The following PCDH7 variants were observed in gnomAD, a reference collection of about 807,000 sequenced individuals.
PCDH7 encodes protocadherin-7.
Under a neutral mutation model 58.9 loss-of-function variants are expected in PCDH7, and 17 were observed. That is an observed-to-expected ratio of 0.29 (90% CI 0.20 to 0.43). PCDH7 has a LOEUF of 0.43. Ranked by LOEUF, PCDH7 falls within the 20% of genes least tolerant of loss-of-function variation. The probability of loss-of-function intolerance (pLI) is 1.00; values close to 1 mark genes in which losing one functional copy is unlikely to be tolerated. For synonymous variants in PCDH7, 664 were observed against 616.4 expected, an observed-to-expected ratio of 1.08 and a Z score of -1.14; for missense variants, 1,274 against 1,441.0, an observed-to-expected ratio of 0.88 and a Z score of 1.88.
chr4:30,965,716 A>T (rs1748936384), intron 3 of PCDH7, among the ~76,000 whole-genome samples: 1 of 152,132 alleles, frequency 6.6e-6, no homozygotes, highest in Non-Finnish European at 1.5e-5. Context: ...TGTCAACTGG[A>T]AATGGTCATG....
At chr4:30,854,861 A>G (rs918774212) in intron 1 of PCDH7, among the ~76,000 whole-genome samples, 2 of 152,040 alleles carry the variant, frequency 1.3e-5, no homozygotes, top group Non-Finnish European at 2.9e-5. Flanking sequence ...AAGAAGTAAA[A>G]TTTACGTTCT....
intron 3 of PCDH7, among the ~76,000 whole-genome samples, chr4:31,120,048 CT>C (rs80073247): frequency 0.066 from 10,042 of 152,004 alleles, 372 homozygotes; most frequent in South Asian, 0.11. Context: ...TGACCATCAC[CT>C]GATGGTCACC....
At chr4:31,010,604 A>G (rs1753096977) in intron 3 of PCDH7, among the ~76,000 whole-genome samples, 1 of 151,942 alleles carries the variant, frequency 6.6e-6, no homozygotes, top group Non-Finnish European at 1.5e-5. Flanking sequence ...CTGCTTGTAT[A>G]TTAAAAATAT....
intron 1 of PCDH7, among the ~76,000 whole-genome samples, chr4:30,794,146 A>G (rs1724487845): frequency 6.6e-6 from 1 of 152,218 alleles, no homozygotes; most frequent in Non-Finnish European, 1.5e-5. Flanking sequence ...CATCTGCCAG[A>G]AGATTGGTTC....
At chr4:30,888,687 G>A (rs1344160694) in intron 1 of PCDH7, among the ~76,000 whole-genome samples, 1 of 152,114 alleles carries the variant, frequency 6.6e-6, no homozygotes, top group Non-Finnish European at 1.5e-5. Context: ...GTAAAATATG[G>A]ATTGAATGAA....
chr4:30,991,190 ATGT>A (rs1446723161), intron 3 of PCDH7, among the ~76,000 whole-genome samples: 3 of 152,176 alleles, frequency 2.0e-5, no homozygotes, highest in Admixed American at 2.0e-4. Context: ...CACCATGGAA[ATGT>A]TGTGAGTTTG....
At chr4:31,134,810 CAA>C (rs1202682101) in intron 3 of PCDH7, among the ~76,000 whole-genome samples, 1 of 152,130 alleles carries the variant, frequency 6.6e-6, no homozygotes, top group African/African-American at 2.4e-5. Flanking sequence ...GTTCCATCTG[CAA>C]AGAGGCTAGA....
chr4:31,027,317 G>A (rs1305105532), intron 3 of PCDH7, among the ~76,000 whole-genome samples: 5 of 152,078 alleles, frequency 3.3e-5, no homozygotes, highest in Non-Finnish European at 7.4e-5. Context: ...TTGTTTGCTT[G>A]ATACAGAACC....
chr4:30,886,638 A>C (rs1438410131), intron 1 of PCDH7, among the ~76,000 whole-genome samples: 1 of 150,144 alleles, frequency 6.7e-6, no homozygotes, highest in Non-Finnish European at 1.5e-5. Context: ...TACCCAAAGG[A>C]CTATAAATCA....
At position 30,971,209 on chromosome 4, in the gene PCDH7, G is replaced by A. The variant is rs558950250; in HGVS notation, c.*7+20994G>A. ...AGTTTCTTAACTAGCTTGTATGAAC[G>A]AAATGCATATATAATAAGCAGTATC... On this transcript the variant is annotated intron_variant, in intron 3 of 3. Transcript: ENST00000509759. Among the ~76,000 whole-genome samples, 73 of 152,212 alleles carry A rather than the reference G, an allele frequency of 4.8e-4. 1 individual carries two copies. The South Asian group carries it at 0.01, about 21-fold the overall frequency.
chr4:31,013,099 A>G (rs1753318361), intron 3 of PCDH7, among the ~76,000 whole-genome samples: 1 of 150,452 alleles, frequency 6.6e-6, no homozygotes, highest in Non-Finnish European at 1.5e-5. Context: ...AGGCAGGAGG[A>G]TACTTTGAGT....
rs138166232 is a variant in PCDH7 at position 31,042,251 on chromosome 4, C to G, written c.*7+92036C>G. The stretch of plus-strand genomic sequence containing the variant: ...AGATAAGATAGGAGGATAGCAAAGT[C>G]AAGCAATGCTTTCCCTTCTAGTCAT... On this transcript the variant is annotated intron_variant, in intron 3 of 3. Coordinates refer to the PCDH7 transcript ENST00000509759. Among the ~76,000 whole-genome samples the G allele has an allele frequency of 8.7e-3, 1,319 of 152,222 alleles. 16 individuals carry two copies. Among genetic ancestry groups the G allele is most frequent in the African/African-American group, 0.025 (1,035 of 41,538 alleles).
intron 1 of PCDH7, among the ~76,000 whole-genome samples, chr4:30,794,463 G>A (rs1724531270): frequency 6.6e-6 from 1 of 152,024 alleles, no homozygotes; most frequent in South Asian, 2.1e-4. Context: ...TTGTTCCATA[G>A]CCTCTTTTGG....
intron 1 of PCDH7, among the ~76,000 whole-genome samples, chr4:30,742,912 A>C (rs1010181188): frequency 6.6e-6 from 1 of 152,212 alleles, no homozygotes; most frequent in Admixed American, 6.5e-5. Context: ...GCTAGGACGC[A>C]GATACAGATT....
chr4:31,014,143 T>C (rs1392865005), intron 3 of PCDH7, among the ~76,000 whole-genome samples: 1 of 151,758 alleles, frequency 6.6e-6, no homozygotes, highest in Non-Finnish European at 1.5e-5. Context: ...TGCATTGCTA[T>C]AGAAAAAAAA....
At chr4:31,026,493 T>G (rs534776502) in intron 3 of PCDH7, among the ~76,000 whole-genome samples, 1 of 152,322 alleles carries the variant, frequency 6.6e-6, no homozygotes, top group East Asian at 1.9e-4. Flanking sequence ...AGCTGACAGA[T>G]GCTATGATAA....
chr4:30,914,695 T>TGA lies in PCDH7; in HGVS notation c.71-5456_71-5455dup, dbSNP rs1467035188. 4.6e-5 allele frequency among the ~76,000 whole-genome samples: 7 copies of TGA among 152,226 alleles called. 1 individual carries two copies. The highest frequency in any genetic ancestry group is 4.6e-4 in the Admixed American group (7 of 15,284). On this transcript the variant is annotated intron_variant, in intron 1 of 3. Coordinates refer to the PCDH7 transcript ENST00000509759. ...TAACTCTAGTTATATAGCTGTGGCC[T>TGA]GAGGTATACTACCGTTTATAGTATA...
chr4:31,125,120 C>A (rs1718146689), intron 3 of PCDH7, among the ~76,000 whole-genome samples: 1 of 152,080 alleles, frequency 6.6e-6, no homozygotes, highest in South Asian at 2.1e-4. Context: ...AAATTTGAGG[C>A]TTTTTACCAA....
intron 1 of PCDH7, among the ~76,000 whole-genome samples, chr4:30,859,668 G>A (rs1187566929): frequency 6.6e-6 from 1 of 152,026 alleles, no homozygotes; most frequent in East Asian, 1.9e-4. Context: ...TCGAACTCCT[G>A]ACCTCAAGTG....
Sources: gnomAD v4.1 joint callset for allele counts (sites outside exome capture counted in the v4.1 genomes callset) on GRCh38, gnomAD v4.1.1 for gene constraint, MANE v1.5 for transcripts, NCBI Gene and HGNC (gene_info 2026-07-23, HGNC 2026-07-21) for gene names.